The following CPLX2 variants were observed in gnomAD, a reference collection of about 807,000 sequenced individuals.
The protein encoded by CPLX2 is complexin 2, also known as complexin-2.
Under a neutral mutation model 16.3 loss-of-function variants are expected in CPLX2, and 5 were observed. The ratio of observed to expected loss-of-function variants is 0.31; its 90% CI spans 0.16 to 0.64. The LOEUF (loss-of-function observed/expected upper bound fraction) is 0.64. CPLX2 is among the 30% of genes least tolerant of loss of function. The pLI, the probability that CPLX2 is intolerant of heterozygous loss-of-function variation, is 0.79. For missense variants in CPLX2, 144 were observed against 181.4 expected (o/e 0.79, Z 1.18); for synonymous variants, 89 against 73.2 (o/e 1.22, Z -1.10).
At chr5:175,869,330 G>A (rs553225616), upstream of CPLX2, among the ~76,000 whole-genome samples, 1 of 152,230 alleles carries the variant, frequency 6.6e-6, no homozygotes, top group Admixed American at 6.5e-5. Flanking sequence ...GGTTCAAAGG[G>A]GGCTTTAGCC....
At chr5:175,805,477 C>T (rs1184755668) in intron 1 of CPLX2, 1 of 152,226 alleles carries the variant, frequency 6.6e-6, no homozygotes, top group Admixed American at 6.5e-5. Context: ...GGGGAAGAAA[C>T]GTGTCCAAGA....
rs542168521 is a variant in CPLX2 at position 175,860,267 on chromosome 5, GATC to G, written c.-88-18383_-88-18381del. 1.1e-4 allele frequency among the ~76,000 whole-genome samples: 17 copies of G among 152,090 alleles called. No homozygotes were observed. In the South Asian group the frequency reaches 3.1e-3, roughly 28 times the overall value. On this transcript the variant is annotated intron_variant, in intron 2 of 4. Coordinates refer to the CPLX2 transcript ENST00000359546. ...GCACATTGGGAGGTCAAGGCAGGAGGATCACTTGAGCCCAGGAGTTCAAGACCA... is the reference window on the plus strand; with the variant it reads ...GCACATTGGGAGGTCAAGGCAGGAGGACTTGAGCCCAGGAGTTCAAGACCA...
At chr5:175,861,027 G>T (rs976115386) in intron 2 of CPLX2, among the ~76,000 whole-genome samples, 7 of 151,682 alleles carry the variant, frequency 4.6e-5, no homozygotes, top group Non-Finnish European at 1.0e-4. Flanking sequence ...GAAGAGGCAA[G>T]TGCAAGATTT....
chr5:175,839,516 C>G (rs996090251), intron 2 of CPLX2, among the ~76,000 whole-genome samples: 2 of 152,186 alleles, frequency 1.3e-5, no homozygotes, highest in African/African-American at 4.8e-5. Context: ...AACTCCTGAC[C>G]TCAGGTGATC....
At chr5:175,798,835 T>C (rs1213373196) in intron 1 of CPLX2, among the ~76,000 whole-genome samples, 4 of 152,204 alleles carry the variant, frequency 2.6e-5, no homozygotes, top group Non-Finnish European at 5.9e-5. Flanking sequence ...TCTCATCACA[T>C]GCGCACACAC....
intron 1 of CPLX2, among the ~76,000 whole-genome samples, chr5:175,799,541 T>TATATATATTTAC (rs1758049787): frequency 1.6e-5 from 1 of 61,670 alleles, no homozygotes; most frequent in Non-Finnish European, 3.5e-5. Context: ...GCAAATTTCA[T>TATATATATTTAC]ATATATATAT....
chr5:175,883,982 A>T lies in CPLX2; in HGVS notation c.*3937A>T, dbSNP rs1755693296. The T allele has an allele frequency of 6.6e-6, 1 of 152,574 alleles. No homozygotes were observed. Among genetic ancestry groups the T allele is most frequent in the Non-Finnish European group, 1.5e-5 (1 of 68,078 alleles). 9.5% of individuals were successfully genotyped at this position (152,574 alleles called of 1,614,324 possible). On this transcript the variant is annotated 3_prime_UTR_variant, in exon 4 of 4. Transcript: ENST00000393745. ...TATGATGCAAATGCTGAAATGTACA[A>T]AATCAACCATGACAACAAAGAAAAA...
rs531996180 is a variant in CPLX2, at chr5:175,849,459, C to T, written c.-88-29193C>T. Reference sequence around the variant, plus strand: ...ATACACAGGACCTCATGCATGCAGCCGAACCCCACACTGGATGTTAGAGGC... The same window carrying T: ...ATACACAGGACCTCATGCATGCAGCTGAACCCCACACTGGATGTTAGAGGC... On this transcript the variant is annotated intron_variant, in intron 2 of 4. Transcript: ENST00000359546. The surrounding 1 kb of genome is among the most constrained non-coding windows in gnomAD (Gnocchi z 4.4). Among the ~76,000 whole-genome samples the T allele has an allele frequency of 3.3e-4, 51 of 152,316 alleles. No homozygotes were observed. Among genetic ancestry groups the T allele is most frequent in the African/African-American group, 1.2e-3 (49 of 41,572 alleles).
chr5:175,841,910 A>C (rs763104625), intron 2 of CPLX2, among the ~76,000 whole-genome samples: 2 of 152,222 alleles, frequency 1.3e-5, no homozygotes, highest in African/African-American at 4.8e-5. Flanking sequence ...TAAACATCCA[A>C]TAAGAACTGA....
intron 2 of CPLX2, among the ~76,000 whole-genome samples, chr5:175,811,449 T>C (rs915319228): frequency 9.9e-5 from 15 of 152,008 alleles, no homozygotes; most frequent in African/African-American, 3.4e-4. Flanking sequence ...ATTTTATTGG[T>C]GGATTCTGCC....
intron 2 of CPLX2, among the ~76,000 whole-genome samples, chr5:175,825,902 G>A (rs971955792): frequency 8.0e-6 from 1 of 124,868 alleles, no homozygotes; most frequent in African/African-American, 3.3e-5. Context: ...TTGACTCTCT[G>A]GTTTCCCCTG....
At chr5:175,861,174 T>C (rs1759365181) in intron 2 of CPLX2, among the ~76,000 whole-genome samples, 1 of 152,124 alleles carries the variant, frequency 6.6e-6, no homozygotes, top group Admixed American at 6.5e-5. Flanking sequence ...GGTGGGGCAA[T>C]GCCAGGCATG....
chr5:175,860,546 T>TAGAA (rs1419899833), intron 2 of CPLX2, among the ~76,000 whole-genome samples: 1 of 50,262 alleles, frequency 2.0e-5, no homozygotes, highest in Admixed American at 2.8e-4. Flanking sequence ...GAAAGATAGA[T>TAGAA]AGAAAGAAAG....
chr5:175,810,940 C>T (rs1758301052), intron 2 of CPLX2, among the ~76,000 whole-genome samples: 1 of 152,158 alleles, frequency 6.6e-6, no homozygotes, highest in Admixed American at 6.5e-5. Context: ...TGATCTCTAG[C>T]CTGTGTTATA....
At chr5:175,824,420 G>A (rs1326956251) in intron 2 of CPLX2, among the ~76,000 whole-genome samples, 1 of 152,202 alleles carries the variant, frequency 6.6e-6, no homozygotes, top group Non-Finnish European at 1.5e-5. Context: ...AGAGATAGAA[G>A]AGCCCCAGGC....
At chr5:175,811,605 A>G (rs1397342982) in intron 2 of CPLX2, among the ~76,000 whole-genome samples, 1 of 152,032 alleles carries the variant, frequency 6.6e-6, no homozygotes, top group Non-Finnish European at 1.5e-5. Flanking sequence ...TTCTGAGTTT[A>G]CTGGTGGACT....
upstream of CPLX2, among the ~76,000 whole-genome samples, chr5:175,871,176 C>G (rs939753209): frequency 6.6e-6 from 1 of 151,752 alleles, no homozygotes; most frequent in African/African-American, 2.4e-5. Flanking sequence ...ACCCCTTGCC[C>G]CCACCACTCC....
In CPLX2 at chr5:175,883,116, G is replaced by A. The variant is rs1176311203; in HGVS notation, c.*3071G>A. 2 of 152,290 alleles carry A rather than the reference G, an allele frequency of 1.3e-5. No individual in the cohort carries two copies. The highest frequency in any genetic ancestry group is 2.4e-5 in the African/African-American group (1 of 41,432). The allele number at this position is 152,290 out of a possible 1,614,324, so 9.4% of individuals were successfully genotyped here. A position where few individuals can be genotyped will look rare whatever the true frequency, so the allele number is the denominator to read the frequency against. On this transcript the variant is annotated 3_prime_UTR_variant, in exon 4 of 4. Coordinates refer to ENST00000393745, the MANE Select transcript of CPLX2 (RefSeq NM_001008220.2). ...AGGAAGGAGCAATCATTTGTAGATG[G>A]GTGAAAAAAGAATGAGGTTCAAGGG...
At position 175,880,269 on chromosome 5, in the gene CPLX2, A is replaced by G; in HGVS notation, c.*224A>G. 1 of 654,940 alleles carries G rather than the reference A, an allele frequency of 1.5e-6. No homozygotes were observed. Among genetic ancestry groups the G allele is most frequent in the Non-Finnish European group, 2.8e-6 (1 of 357,024 alleles). 40.6% of individuals were successfully genotyped at this position (654,940 alleles called of 1,614,324 possible). A position where few individuals can be genotyped will look rare whatever the true frequency, so the allele number is the denominator to read the frequency against. On this transcript the variant is annotated 3_prime_UTR_variant, in exon 4 of 4. Transcript: ENST00000393745. Reference sequence around the variant, plus strand: ...CCAAGTAGCTTGAAAAAGGGAGGACAGTCTTTCCCCAGCAGGGGTCAGGGG... The same window carrying G: ...CCAAGTAGCTTGAAAAAGGGAGGACGGTCTTTCCCCAGCAGGGGTCAGGGG...
Sources: allele counts gnomAD v4.1 joint callset (sites outside exome capture counted in the v4.1 genomes callset), GRCh38; gene constraint gnomAD v4.1.1; non-coding constraint Gnocchi (gnomAD v3.1); transcripts MANE v1.5; gene names NCBI Gene and HGNC (gene_info 2026-07-23, HGNC 2026-07-21).